The following NEDD4L variants were observed in gnomAD, a reference collection of about 807,000 sequenced individuals.
NEDD4L encodes the protein E3 ubiquitin-protein ligase NEDD4-like.
A neutral mutation model predicts 148.9 loss-of-function variants in NEDD4L; 54 were observed. The ratio of observed to expected loss-of-function variants is 0.36; its 90% CI spans 0.29 to 0.45. The LOEUF (loss-of-function observed/expected upper bound fraction) is 0.45, where lower values mean the gene tolerates loss of function less well. Among genes scored for constraint, NEDD4L ranks in the 20% least tolerant of loss-of-function variants. The pLI, the probability that NEDD4L is intolerant of heterozygous loss-of-function variation, is 1.00. For synonymous variants in NEDD4L, 433 were observed against 440.7 expected (o/e 0.98, Z 0.22); for missense variants, 856 against 1,233.8 (o/e 0.69, Z 4.59).
chr18:58,208,908 G>A (rs889824661), intron 2 of NEDD4L, among the ~76,000 whole-genome samples: 1 of 152,096 alleles, frequency 6.6e-6, no homozygotes, highest in Non-Finnish European at 1.5e-5. Context: ...ATCCTGGGGT[G>A]CCTTCACTTT....
intron 5 of NEDD4L, among the ~76,000 whole-genome samples, chr18:58,275,274 A>G (rs1205267636): frequency 6.6e-6 from 1 of 152,218 alleles, no homozygotes; most frequent in African/African-American, 2.4e-5. Context: ...TAAAGTCTAC[A>G]TCCTCACTGT....
intron 2 of NEDD4L, among the ~76,000 whole-genome samples, chr18:58,236,367 GA>G (rs199751899): frequency 3.3e-5 from 5 of 151,702 alleles, no homozygotes; most frequent in African/African-American, 1.2e-4. Flanking sequence ...AAAAAAAAAA[GA>G]AAAAAAAATT....
At chr18:58,131,208 G>T (rs988660332) in intron 1 of NEDD4L, among the ~76,000 whole-genome samples, 1 of 147,396 alleles carries the variant, frequency 6.8e-6, no homozygotes, top group African/African-American at 2.5e-5. Flanking sequence ...GTGATCTAGC[G>T]GAACTGTGGT....
At chr18:58,229,767 G>A (rs1478365721) in intron 2 of NEDD4L, among the ~76,000 whole-genome samples, 1 of 152,092 alleles carries the variant, frequency 6.6e-6, no homozygotes, top group African/African-American at 2.4e-5. Flanking sequence ...CGAGGCGGGC[G>A]GATCGTGAGG....
intron 5 of NEDD4L, among the ~76,000 whole-genome samples, chr18:58,279,101 G>A (rs912461740): frequency 3.3e-5 from 5 of 151,678 alleles, no homozygotes; most frequent in South Asian, 2.1e-4. Flanking sequence ...GGTCTCAAAC[G>A]CCTGGCCTCA....
chr18:58,384,717 G>A (rs2048783552), intron 25 of NEDD4L, among the ~76,000 whole-genome samples: 1 of 152,174 alleles, frequency 6.6e-6, no homozygotes, highest in African/African-American at 2.4e-5. Context: ...GAATGCTGTT[G>A]AGCTGTTCAT....
chr18:58,396,404 G>T lies in NEDD4L; in HGVS notation c.*135G>T. ...GTCCCTGGAGCCGAGCCTTCACCAC[G>T]CACTCGTCCAAGTTCGGATGCGGGA... On this transcript the variant is annotated 3_prime_UTR_variant, in exon 31 of 31. Coordinates refer to ENST00000400345, the MANE Select transcript of NEDD4L (RefSeq NM_001144967.3). The T allele has an allele frequency of 1.7e-6, 1 of 602,300 alleles. No homozygotes were observed. The highest frequency in any genetic ancestry group is 1.9e-5 in the African/African-American group (1 of 53,886). 37.3% of individuals were successfully genotyped at this position (602,300 alleles called of 1,614,324 possible). A position where few individuals can be genotyped will look rare whatever the true frequency, so the allele number is the denominator to read the frequency against.
At chr18:58,280,219 G>A (rs1043164749) in intron 5 of NEDD4L, among the ~76,000 whole-genome samples, 1 of 152,128 alleles carries the variant, frequency 6.6e-6, no homozygotes, top group African/African-American at 2.4e-5. Flanking sequence ...TGATGCCTCT[G>A]GCCTTTCTCA....
At chr18:58,345,328 A>T (rs2042914719) in intron 16 of NEDD4L, among the ~76,000 whole-genome samples, 1 of 152,258 alleles carries the variant, frequency 6.6e-6, no homozygotes, top group Non-Finnish European at 1.5e-5. Context: ...GTTCATTTTG[A>T]CAAAAGATGA....
rs140777279 is a variant in NEDD4L at position 58,111,896 on chromosome 18, T to G, written c.49-53892T>G. On this transcript the variant is annotated intron_variant, in intron 1 of 30. Transcript: ENST00000400345. ...TCCAAAGCAGCTCACCATTTGACAT[T>G]CCCCCCCAGCAGTGTCTGAGGGTTC... 8.6e-4 allele frequency among the ~76,000 whole-genome samples: 131 copies of G among 152,118 alleles called. 1 individual carries two copies. The highest frequency in any genetic ancestry group is 3.4e-3 in the Middle Eastern group (1 of 294).
chr18:58,328,729 A>G (rs550496889), intron 9 of NEDD4L, among the ~76,000 whole-genome samples: 1 of 152,350 alleles, frequency 6.6e-6, no homozygotes, highest in East Asian at 1.9e-4. Flanking sequence ...ACACTGAGGT[A>G]TATTTTGAAA....
At position 58,324,892 on chromosome 18, in the gene NEDD4L, G is replaced by A. The variant is rs1267905498; in HGVS notation, c.514-104G>A. 2.8e-6 allele frequency: 3 copies of A among 1,060,460 alleles called. No homozygotes were observed. In the African/African-American group the frequency reaches 4.7e-5, roughly 17 times the overall value. The allele number at this position is 1,060,460 out of a possible 1,614,324, so 65.7% of individuals were successfully genotyped here. A position where few individuals can be genotyped will look rare whatever the true frequency, so the allele number is the denominator to read the frequency against. On this transcript the variant is annotated intron_variant, in intron 8 of 30. Coordinates refer to ENST00000400345, the MANE Select transcript of NEDD4L (RefSeq NM_001144967.3). The stretch of plus-strand genomic sequence containing the variant: ...CCCCGAAGCCATGGCTAGAGCCAGA[G>A]AGCCCCAGAGCAAGGAGAAGGGCAT...
chr18:58,111,292 T>A (rs2085404714), intron 1 of NEDD4L, among the ~76,000 whole-genome samples: 1 of 152,192 alleles, frequency 6.6e-6, no homozygotes, highest in Non-Finnish European at 1.5e-5. Context: ...GGTCTTGAAC[T>A]CCTGACCTCA....
In NEDD4L at chr18:58,349,352, G is replaced by A. The variant is rs541138581; in HGVS notation, c.1576-185G>A. Reference sequence around the variant, plus strand: ...TCTCCACCAAGCACAAGAAGGAAGAGTACAGTCTGTCTCGAGAGACAGTCA... The same window carrying A: ...TCTCCACCAAGCACAAGAAGGAAGAATACAGTCTGTCTCGAGAGACAGTCA... On this transcript the variant is annotated intron_variant, in intron 16 of 30. Transcript: ENST00000400345. Among the ~76,000 whole-genome samples the A allele has an allele frequency of 4.6e-5, 7 of 152,250 alleles. No homozygotes were observed. The East Asian group carries it at 1.4e-3, about 29-fold the overall frequency.
chr18:58,305,314 G>A (rs957293195), intron 5 of NEDD4L, among the ~76,000 whole-genome samples: 4 of 152,180 alleles, frequency 2.6e-5, no homozygotes, highest in Admixed American at 1.3e-4. Flanking sequence ...TCACCCAGTG[G>A]TTGTCAGCCC....
intron 2 of NEDD4L, among the ~76,000 whole-genome samples, chr18:58,217,601 G>C (rs573084700): frequency 7.9e-5 from 12 of 152,070 alleles, no homozygotes; most frequent in African/African-American, 2.7e-4. Flanking sequence ...TTAGCCCCAC[G>C]AGTAGCTGGT....
chr18:58,350,030 A>C (rs187674478), intron 17 of NEDD4L, among the ~76,000 whole-genome samples: 188 of 152,342 alleles, frequency 1.2e-3, no homozygotes, highest in Non-Finnish European at 1.9e-3. Context: ...AGTTTCTATA[A>C]GTCATTTAAC....
At chr18:58,227,961 C>T in intron 2 of NEDD4L, 1 of 442,116 alleles carries the variant, frequency 2.3e-6, no homozygotes, top group Non-Finnish European at 3.0e-6. Context: ...AGTATTACAC[C>T]TTAAAATAAT....
chr18:58,354,556 A>G (rs1449346684), intron 18 of NEDD4L, among the ~76,000 whole-genome samples: 1 of 152,102 alleles, frequency 6.6e-6, no homozygotes, highest in Non-Finnish European at 1.5e-5. Context: ...CCAAAAGCTT[A>G]GGCTCTTTTT....
Sources: gnomAD v4.1 joint callset for allele counts (sites outside exome capture counted in the v4.1 genomes callset) on GRCh38, gnomAD v4.1.1 for gene constraint, MANE v1.5 for transcripts, NCBI Gene and HGNC (gene_info 2026-07-23, HGNC 2026-07-21) for gene names.